The following NCOR2 variants were observed in gnomAD, a reference collection of about 807,000 sequenced individuals.
The protein encoded by NCOR2 is nuclear receptor corepressor 2.
NCOR2 carries 81 observed loss-of-function variants against 262.9 expected under a neutral mutation model. The observed-to-expected ratio is 0.31, with a 90% CI of 0.26 to 0.37. NCOR2 has a LOEUF of 0.37. Among genes scored for constraint, NCOR2 ranks in the 10% least tolerant of loss-of-function variants. The probability of loss-of-function intolerance (pLI) is 1.00; values close to 1 mark genes in which losing one functional copy is unlikely to be tolerated. For missense variants in NCOR2, 3,385 were observed against 3,621.4 expected (o/e 0.93, Z 1.68); for synonymous variants, 1,659 against 1,559.3 (o/e 1.06, Z -1.51).
rs2136070195 is a variant in NCOR2 at position 124,378,290 on chromosome 12, A to C, written c.2114T>G (p.Met705Arg). The C allele has an allele frequency of 1.2e-6, 2 of 1,613,838 alleles. No homozygotes were observed. Among genetic ancestry groups the C allele is most frequent in the Non-Finnish European group, 1.7e-6 (2 of 1,179,870 alleles). ...ATTTCCGCTCACGCCCGACGCCTCCATCTCCTCATCCTCCACCACGGGCGG... is the reference window on the plus strand; with the variant it reads ...ATTTCCGCTCACGCCCGACGCCTCCCTCTCCTCATCCTCCACCACGGGCGG... The change falls in exon 18 of 47, where the codon ATG (methionine) becomes AGG (arginine). Residue 705 changes from methionine to arginine, a missense_variant. By Grantham distance (91) the Met-to-Arg change is moderately conservative. Around this residue, in one of 5 missense-constraint regions of NCOR2, gnomAD observed 515 missense variants for 781.2 expected, o/e 0.66. Coordinates refer to ENST00000405201, the Ensembl canonical transcript of NCOR2. The surrounding 1 kb of genome is among the most constrained non-coding windows in gnomAD (Gnocchi z 4.2).
rs540126535 is a variant in NCOR2 at position 124,328,018 on chromosome 12, G to T, written c.6959-385C>A. On this transcript the variant is annotated intron_variant, in intron 44 of 46. Coordinates refer to ENST00000405201, the Ensembl canonical transcript of NCOR2. ...AATCCTAGCTGGGGCTGTTTTGTTT[G>T]TTTTTTTTTTAAATCTCAAGTGGCC... 9.0e-4 allele frequency among the ~76,000 whole-genome samples: 135 copies of T among 149,192 alleles called. 2 individuals are homozygous for T. Among genetic ancestry groups the T allele is most frequent in the Middle Eastern group, 3.5e-3 (1 of 286 alleles).
At position 124,343,048 on chromosome 12, in the gene NCOR2, G is replaced by A. The variant is rs372211869; in HGVS notation, c.4893C>T (p.Ala1631=). 323 of 1,612,208 alleles carry A rather than the reference G, an allele frequency of 2.0e-4. 1 individual carries two copies. In the African/African-American group the frequency reaches 2.6e-3, roughly 13 times the overall value. ...CGCGGGGTATGGAGGTGGGGTCGAA[G>A]GCCAGGGGGATGTGGCTGCGATACA... Residue 1631 remains alanine (A), a synonymous_variant, in exon 33 of 47, where the codon GCC becomes GCT. Transcript: ENST00000405201.
At chr12:124,543,049 C>T (rs558296073) in intron 1 of NCOR2, among the ~76,000 whole-genome samples, 14 of 150,122 alleles carry the variant, frequency 9.3e-5, no homozygotes, top group South Asian at 2.1e-4. Context: ...GGTGGGTGGG[C>T]GAAGATGGGG....
At chr12:124,525,998 A>C (rs1223191676) in intron 1 of NCOR2, among the ~76,000 whole-genome samples, 1 of 152,226 alleles carries the variant, frequency 6.6e-6, no homozygotes, top group Non-Finnish European at 1.5e-5. Flanking sequence ...CAACTCACAC[A>C]CAGCACTGAG....
intron 8 of NCOR2, among the ~76,000 whole-genome samples, chr12:124,433,908 A>ACACACACACACACACACACACACG (rs2044176861): frequency 6.8e-6 from 1 of 147,246 alleles, no homozygotes; most frequent in Non-Finnish European, 1.5e-5. Context: ...ACGCACACAC[A>ACACACACACACACACACACACACG]CACACAGGGA....
chr12:124,536,616 G>T (rs1377947542), upstream of NCOR2, among the ~76,000 whole-genome samples: 1 of 152,162 alleles, frequency 6.6e-6, no homozygotes, highest in Non-Finnish European at 1.5e-5. Context: ...AAAGACCACT[G>T]CTCACCCATA....
At chr12:124,489,797 GA>G (rs2047982705) in intron 1 of NCOR2, among the ~76,000 whole-genome samples, 1 of 152,204 alleles carries the variant, frequency 6.6e-6, no homozygotes, top group African/African-American at 2.4e-5. Flanking sequence ...CAAGGGTGGG[GA>G]GGAGTGGCTG....
intron 4 of NCOR2, among the ~76,000 whole-genome samples, chr12:124,469,050 A>T (rs2950602): frequency 2.0e-5 from 3 of 149,790 alleles, no homozygotes; most frequent in Non-Finnish European, 4.4e-5. Flanking sequence ...CTCCTAACAC[A>T]GTTGGAAAGA....
chr12:124,376,522 C>A (rs185060505), intron 18 of NCOR2, among the ~76,000 whole-genome samples: 30 of 152,222 alleles, frequency 2.0e-4, no homozygotes, highest in African/African-American at 6.3e-4. Context: ...GTGGCCCAGG[C>A]CTTCCTTCCA....
rs968728918 is a variant in NCOR2 at position 124,340,900 on chromosome 12, C to T, written c.5189-149G>A. On this transcript the variant is annotated intron_variant, in intron 34 of 46. Transcript: ENST00000405201. ...GCACTCCCTCCTCGGCTCCCAGCAC[C>T]AGCCATGGAACCCTTTTCTGAATGC... is the stretch of plus-strand genomic sequence containing the variant. 3.6e-5 allele frequency: 27 copies of T among 740,988 alleles called. No individual in the cohort carries two copies. The Admixed American group carries it at 4.9e-4, about 14-fold the overall frequency. 45.9% of individuals were successfully genotyped at this position (740,988 alleles called of 1,614,324 possible). A position where few individuals can be genotyped will look rare whatever the true frequency, so the allele number is the denominator to read the frequency against.
In NCOR2 at chr12:124,454,884, A is replaced by G. The variant is rs1023716504; in HGVS notation, c.762+2222T>C. On this transcript the variant is annotated intron_variant, in intron 6 of 46. Transcript: ENST00000405201. This position sits in a 1 kb window ranked among gnomAD's most constrained non-coding sequence, Gnocchi z 5.6. ...ACAGCAACTTTATTCACAATACCCCAAATATGCAAACAATCTCACGTCCAC... is the reference window on the plus strand; with the variant it reads ...ACAGCAACTTTATTCACAATACCCCGAATATGCAAACAATCTCACGTCCAC... 1.3e-5 allele frequency among the ~76,000 whole-genome samples: 2 copies of G among 152,224 alleles called. No individual in the cohort carries two copies. Among genetic ancestry groups the G allele is most frequent in the Non-Finnish European group, 2.9e-5 (2 of 68,044 alleles).
intron 1 of NCOR2, among the ~76,000 whole-genome samples, chr12:124,550,664 G>C: frequency 6.6e-6 from 1 of 152,208 alleles, no homozygotes; most frequent in East Asian, 1.9e-4. Context: ...CATTTGTTCT[G>C]CTTCCAAAAA....
chr12:124,355,304 C>T lies in NCOR2; in HGVS notation c.3381+128G>A, dbSNP rs2037865698. 2.5e-6 allele frequency: 3 copies of T among 1,196,214 alleles called. No individual in the cohort carries two copies. In the African/African-American group the frequency reaches 4.6e-5, roughly 18 times the overall value. 74.1% of individuals were successfully genotyped at this position (1,196,214 alleles called of 1,614,324 possible). On this transcript the variant is annotated intron_variant, in intron 24 of 46. Coordinates refer to ENST00000405201, the Ensembl canonical transcript of NCOR2. Reference sequence around the variant, plus strand: ...GGCAGGACCCAGCCAGCTCAGACCCCAGATGCCTGAGTGGAGATGACCCAG... The same window carrying T: ...GGCAGGACCCAGCCAGCTCAGACCCTAGATGCCTGAGTGGAGATGACCCAG...
chr12:124,355,106 C>T, intron 24 of NCOR2, 167 bp from the exon 27 acceptor site: 2 of 645,802 alleles, frequency 3.1e-6, no homozygotes, highest in Non-Finnish European at 5.3e-6. Flanking sequence ...CCTCGGCCCC[C>T]TCCCCTGTGA....
chr12:124,341,714 GA>G, intron 34 of NCOR2, 108 bp downstream of exon 36: 1 of 1,478,628 alleles, frequency 6.8e-7, no homozygotes, highest in Admixed American at 2.1e-5. Flanking sequence ...CACACAAGGT[GA>G]CCCACAAGGT....
chr12:124,325,408 G>A (rs1226395306), exon 47 of NCOR2: 12 of 494,990 alleles, frequency 2.4e-5, no homozygotes, highest in East Asian at 2.0e-4. Context: ...TGAGTCACTC[G>A]CTGTCGGAGA....
intron 1 of NCOR2, among the ~76,000 whole-genome samples, chr12:124,507,248 C>T (rs1399886932): frequency 6.6e-6 from 1 of 152,200 alleles, no homozygotes; most frequent in Non-Finnish European, 1.5e-5. Context: ...TCAGTTTTGC[C>T]ACATGAAAAG....
At position 124,475,801 on chromosome 12, in the gene NCOR2, A is replaced by G. The variant is rs548763626; in HGVS notation, c.412-2670T>C. Reference sequence around the variant, plus strand: ...TACCTTGGAAGGTGCTTGAAGGGGGAGGCTGCAGGGGCTCCCACGTCAGAA... The same window carrying G: ...TACCTTGGAAGGTGCTTGAAGGGGGGGGCTGCAGGGGCTCCCACGTCAGAA... On this transcript the variant is annotated intron_variant, in intron 3 of 46. Coordinates refer to ENST00000405201, the Ensembl canonical transcript of NCOR2. 1.4e-3 allele frequency among the ~76,000 whole-genome samples: 218 copies of G among 152,246 alleles called. 3 individuals carry two copies. Among genetic ancestry groups the G allele is most frequent in the African/African-American group, 5.1e-3 (211 of 41,542 alleles).
At chr12:124,408,785 G>A (rs74357527) in intron 13 of NCOR2, among the ~76,000 whole-genome samples, 3,490 of 152,242 alleles carry the variant, frequency 0.023, 121 homozygotes, top group African/African-American at 0.078. Context: ...GAAAGAAAGC[G>A]AAGGTTACAA....
Sources: gnomAD v4.1 joint callset for allele counts (sites outside exome capture counted in the v4.1 genomes callset) on GRCh38, gnomAD v4.1.1 for gene constraint, gnomAD v4.1.1 regional missense constraint, Gnocchi (gnomAD v3.1) non-coding constraint, MANE v1.5 for transcripts, NCBI Gene and HGNC (gene_info 2026-07-23, HGNC 2026-07-21) for gene names.